Variants in POC1B observed in about 807,000 individuals in gnomAD.
The protein encoded by POC1B is POC1 centriolar protein B.
Under a neutral mutation model 60.6 loss-of-function variants are expected in POC1B, and 44 were observed. That is an observed-to-expected ratio of 0.73 (90% CI 0.57 to 0.93). The LOEUF is 0.93. Ranked by LOEUF, POC1B falls within the 40% of genes least tolerant of loss-of-function variation. The probability of loss-of-function intolerance (pLI) is 0.00; values close to 1 mark genes in which losing one functional copy is unlikely to be tolerated. For synonymous variants in POC1B, 180 were observed against 198.9 expected (o/e 0.90, Z 0.80); for missense variants, 555 against 572.3 (o/e 0.97, Z 0.31).
intron 10 of POC1B, among the ~76,000 whole-genome samples, chr12:89,446,580 C>T (rs1374697852): frequency 6.6e-6 from 1 of 152,070 alleles, no homozygotes. Context: ...GGGTGGGGAA[C>T]ATCACACACT....
At chr12:89,512,451 A>G (rs556629468) in intron 2 of POC1B, among the ~76,000 whole-genome samples, 1 of 152,284 alleles carries the variant, frequency 6.6e-6, no homozygotes, top group South Asian at 2.1e-4. Context: ...TGGGCCTAGT[A>G]TTTTTCAATA....
At chr12:89,469,252 T>G (rs998745383) in intron 7 of POC1B, among the ~76,000 whole-genome samples, 2 of 151,960 alleles carry the variant, frequency 1.3e-5, no homozygotes, top group African/African-American at 4.8e-5. Context: ...AGACTAAGAA[T>G]CCATCTCAAA....
At chr12:89,476,697 A>AATAGATAGATAGATAGATAGATAG (rs754459068) in intron 4 of POC1B, among the ~76,000 whole-genome samples, 9 of 139,884 alleles carry the variant, frequency 6.4e-5, no homozygotes, top group East Asian at 2.1e-4. Flanking sequence ...AGACTGTCTC[A>AATAGATAGATAGATAGATAGATAG]ATAGATAGAT....
chr12:89,437,993 G>A lies in POC1B; in HGVS notation c.1114-12614C>T, dbSNP rs528420302. 2.2e-4 allele frequency among the ~76,000 whole-genome samples: 33 copies of A among 151,424 alleles called. No homozygotes were observed. In the South Asian group the frequency reaches 6.5e-3, roughly 30 times the overall value. On this transcript the variant is annotated intron_variant, in intron 10 of 11. Coordinates refer to ENST00000313546, the MANE Select transcript of POC1B (RefSeq NM_172240.3). ...TCAAACCTGGGAGGCGGAGGTTGCA[G>A]TGAGCCGACATTGTGCCACTGCACT...
chr12:89,522,200 T>G (rs756909563), intron 2 of POC1B: 1 of 398,568 alleles, frequency 2.5e-6, no homozygotes, highest in Non-Finnish European at 4.4e-6. Context: ...TATGGGTATG[T>G]CTGCATGTTA....
chr12:89,495,403 C>A (rs932437553), intron 3 of POC1B, among the ~76,000 whole-genome samples: 1 of 152,226 alleles, frequency 6.6e-6, no homozygotes. Flanking sequence ...CATGTCACTT[C>A]TCTTCAATAG....
intron 3 of POC1B, among the ~76,000 whole-genome samples, chr12:89,493,142 C>T (rs946078063): frequency 3.3e-5 from 5 of 152,204 alleles, no homozygotes; most frequent in Non-Finnish European, 7.3e-5. Flanking sequence ...TGCCTTTGCA[C>T]TTACTGCTTT....
chr12:89,456,911 C>T (rs1882284311), intron 10 of POC1B, among the ~76,000 whole-genome samples: 1 of 152,116 alleles, frequency 6.6e-6, no homozygotes, highest in Non-Finnish European at 1.5e-5. Flanking sequence ...CTATTTCTTA[C>T]ACCATAACAA....
chr12:89,494,822 C>T (rs1224948895), intron 3 of POC1B, among the ~76,000 whole-genome samples: 2 of 152,164 alleles, frequency 1.3e-5, no homozygotes, highest in Non-Finnish European at 2.9e-5. Flanking sequence ...CGCACCAAGG[C>T]CCCAGGCATA....
chr12:89,519,299 C>G (rs1870650424), intron 2 of POC1B: 1 of 152,104 alleles, frequency 6.6e-6, no homozygotes, highest in African/African-American at 2.4e-5. Flanking sequence ...TTTAAATATC[C>G]ACTGTCTGAA....
downstream of POC1B, among the ~76,000 whole-genome samples, chr12:89,417,418 A>T (rs1389831898): frequency 6.6e-6 from 1 of 152,160 alleles, no homozygotes; most frequent in Non-Finnish European, 1.5e-5. Context: ...ACCTTATAAA[A>T]GTTTTCCCCT....
chr12:89,441,394 C>T (rs547843758), intron 10 of POC1B, among the ~76,000 whole-genome samples: 12 of 152,238 alleles, frequency 7.9e-5, no homozygotes, highest in African/African-American at 9.6e-5. Context: ...CTCATATGGC[C>T]GGGTCCCCCT....
chr12:89,474,963 A>C (rs549963713), intron 4 of POC1B, among the ~76,000 whole-genome samples: 1 of 152,298 alleles, frequency 6.6e-6, no homozygotes, highest in South Asian at 2.1e-4. Flanking sequence ...ATTCATTCAA[A>C]GATTCCCTGA....
intron 9 of POC1B, among the ~76,000 whole-genome samples, chr12:89,465,323 G>A (rs1882645727): frequency 6.6e-6 from 1 of 152,162 alleles, no homozygotes; most frequent in Non-Finnish European, 1.5e-5. Flanking sequence ...GCTGAGGTGA[G>A]TGTGGAGTCA....
In POC1B at chr12:89,420,400, C is replaced by G. The variant is rs1010927710; in HGVS notation, c.*753G>C. 2 of 152,180 alleles carry G rather than the reference C, an allele frequency of 1.3e-5. No homozygotes were observed. Among genetic ancestry groups the G allele is most frequent in the East Asian group, 3.8e-4 (2 of 5,198 alleles). The allele number at this position is 152,180 out of a possible 1,614,324, so 9.4% of individuals were successfully genotyped here. A position where few individuals can be genotyped will look rare whatever the true frequency, so the allele number is the denominator to read the frequency against. On this transcript the variant is annotated 3_prime_UTR_variant, in exon 12 of 12. Coordinates refer to ENST00000313546, the MANE Select transcript of POC1B (RefSeq NM_172240.3). ...GACTTTTTAGCATACTGAAAACACA[C>G]TAACATAATTTTTGTGAACCATGAT...
At chr12:89,508,992 T>C (rs1449679107) in intron 2 of POC1B, among the ~76,000 whole-genome samples, 1 of 152,226 alleles carries the variant, frequency 6.6e-6, no homozygotes, top group Non-Finnish European at 1.5e-5. Flanking sequence ...GACTAATAGA[T>C]GGAGAGACAA....
At chr12:89,415,403 G>C (rs1460948503), downstream of POC1B, among the ~76,000 whole-genome samples, 1 of 152,156 alleles carries the variant, frequency 6.6e-6, no homozygotes, top group Non-Finnish European at 1.5e-5. Flanking sequence ...CAGCACTTTG[G>C]GAGGCCGAGG....
chr12:89,409,092 T>C, the POC1B span, among the ~76,000 whole-genome samples: 2,212 of 152,326 alleles, frequency 0.015, 72 homozygotes, highest in African/African-American at 0.051. Context: ...CTGATGGTAG[T>C]TCCTTTTGCT....
At chr12:89,479,763 A>C (rs1406103944) in intron 4 of POC1B, among the ~76,000 whole-genome samples, 2 of 152,150 alleles carry the variant, frequency 1.3e-5, no homozygotes, top group Admixed American at 6.6e-5. Flanking sequence ...TAAAATTCAA[A>C]TACTAAAGGC....
Sources: gnomAD v4.1 joint callset for allele counts (sites outside exome capture counted in the v4.1 genomes callset) on GRCh38, gnomAD v4.1.1 for gene constraint, MANE v1.5 for transcripts, NCBI Gene and HGNC (gene_info 2026-07-23, HGNC 2026-07-21) for gene names.